ADSL: variants seen among roughly 807,000 people sequenced by gnomAD.
ADSL encodes adenylosuccinase.
ADSL carries 44 observed loss-of-function variants against 62.1 expected under a neutral mutation model. That is an observed-to-expected ratio of 0.71 (90% CI 0.56 to 0.91). The LOEUF (loss-of-function observed/expected upper bound fraction) is 0.91, where lower values mean the gene tolerates loss of function less well. Ranked by LOEUF, ADSL falls within the 40% of genes least tolerant of loss-of-function variation. The pLI is 0.00. For missense variants in ADSL, 531 were observed against 627.4 expected, an observed-to-expected ratio of 0.85 and a Z score of 1.64; for synonymous variants, 198 against 220.5, an observed-to-expected ratio of 0.90 and a Z score of 0.90.
chr22:40,361,788 T>C (rs2044799485), intron 9 of ADSL, 153 bp downstream of exon 9: 1 of 969,452 alleles, frequency 1.0e-6, no homozygotes. Context: ...AAAAGGACAG[T>C]GTGATAAGTG....
chr22:40,356,032 CAAAAAAAAA>C (rs1212379585), intron 4 of ADSL, among the ~76,000 whole-genome samples: 2 of 55,336 alleles, frequency 3.6e-5, no homozygotes, highest in African/African-American at 1.6e-4. Context: ...ACTAAAAATA[CAAAAAAAAA>C]AAAAAAAAAA....
intron 2 of ADSL, among the ~76,000 whole-genome samples, chr22:40,351,008 C>T (rs1214372581): frequency 6.6e-6 from 1 of 151,656 alleles, no homozygotes; most frequent in African/African-American, 2.4e-5. Context: ...AAAAAAAATA[C>T]TTTGAGACAG....
intron 10 of ADSL, 55 bp from the exon 11 acceptor site, chr22:40,364,221 A>C: frequency 6.8e-7 from 1 of 1,464,450 alleles, no homozygotes; most frequent in Non-Finnish European, 9.5e-7. Flanking sequence ...TGCTGTGTTT[A>C]TGACTTTAAC....
At chr22:40,375,798 G>A (rs2046453060) in intron 2 of ADSL, among the ~76,000 whole-genome samples, 1 of 152,016 alleles carries the variant, frequency 6.6e-6, no homozygotes. Flanking sequence ...AGCACTTTGG[G>A]AGGCTGAGGT....
chr22:40,353,750 C>T (rs945383899), intron 3 of ADSL: 10 of 263,622 alleles, frequency 3.8e-5, no homozygotes, highest in Admixed American at 1.0e-4. Flanking sequence ...CTCAGCCTCC[C>T]GAACAGCTGG....
rs563190965 is a variant in ADSL at position 40,350,082 on chromosome 22, A to G, written c.357+47A>G. 242 of 1,549,660 alleles carry G rather than the reference A, an allele frequency of 1.6e-4. 1 individual carries two copies. The South Asian group carries it at 2.4e-3, about 15-fold the overall frequency. On this transcript the variant is annotated intron_variant, in intron 2 of 12. Transcript: ENST00000623063. ...ACTTAAAACTCAGTCTCTAGAATCTATTTGTCAATTTTATTTGATGTTGTC... is the reference window on the plus strand; with the variant it reads ...ACTTAAAACTCAGTCTCTAGAATCTGTTTGTCAATTTTATTTGATGTTGTC...
rs1484677062 is a variant in ADSL, at chr22:40,361,599, A to G, written c.974A>G (p.Gln325Arg). 1 of 1,614,122 alleles carries G rather than the reference A, an allele frequency of 6.2e-7. No homozygotes were observed. Among genetic ancestry groups the G allele is most frequent in the Admixed American group, 1.7e-5 (1 of 60,028 alleles). The change falls in exon 9 of 13, where the codon CAG becomes CGG. Residue 325 changes from glutamine (Q) to arginine (R), a missense_variant. Physicochemically the swap from Gln to Arg is conservative, Grantham distance 43. Around this residue, in one of 2 missense-constraint regions of ADSL, gnomAD observed 471 missense variants for 592.9 expected, o/e 0.79. Coordinates refer to ENST00000623063, the MANE Select transcript of ADSL (RefSeq NM_000026.4). ...GACCCGCTACAGACAGCATCTGTCC[A>G]GTGGTTTGAACGCACACTGGATGAT... ...VMDPLQTASV[Q>R]WFERTLDDSA...
chr22:40,370,373 AAATT>A (rs1244562111), downstream of ADSL, among the ~76,000 whole-genome samples: 1 of 151,924 alleles, frequency 6.6e-6, no homozygotes, highest in African/African-American at 2.4e-5. Context: ...AAAAAAAAAA[AAATT>A]AGCAAGTTAT....
intron 2 of ADSL, chr22:40,350,368 C>T: frequency 3.7e-6 from 1 of 271,192 alleles, no homozygotes; most frequent in Non-Finnish European, 7.1e-6. Context: ...CCTCGTGATC[C>T]ACCCCCCTCA....
At chr22:40,376,291 C>G (rs1458757199) in intron 2 of ADSL, 1 of 136,426 alleles carries the variant, frequency 7.3e-6, no homozygotes, top group African/African-American at 2.7e-5. Flanking sequence ...CCTTGCTTGT[C>G]TGCTTGCTTG....
intron 2 of ADSL, chr22:40,376,216 T>TTTTTTTTTTTG (rs1555913839): frequency 7.3e-6 from 1 of 137,414 alleles, no homozygotes; most frequent in Non-Finnish European, 1.5e-5. Context: ...TTTTTGTCTT[T>TTTTTTTTTTTG]TGGAAACAGT....
chr22:40,366,216 G>A (rs2044998958), intron 12 of ADSL, among the ~76,000 whole-genome samples: 1 of 152,142 alleles, frequency 6.6e-6, no homozygotes, highest in African/African-American at 2.4e-5. Flanking sequence ...ACACAGGCTG[G>A]GCCAGTTTGC....
chr22:40,375,797 G>T (rs2046452545), intron 2 of ADSL, among the ~76,000 whole-genome samples: 1 of 151,926 alleles, frequency 6.6e-6, no homozygotes, highest in Admixed American at 6.6e-5. Flanking sequence ...CAGCACTTTG[G>T]GAGGCTGAGG....
At chr22:40,385,941 TC>T (rs1159139683) in intron 2 of ADSL, among the ~76,000 whole-genome samples, 1 of 151,582 alleles carries the variant, frequency 6.6e-6, no homozygotes, top group African/African-American at 2.4e-5. Context: ...AGCGTCGACC[TC>T]CCGGGCCCAG....
chr22:40,352,405 G>A lies in ADSL; in HGVS notation c.358-668G>A, dbSNP rs540399178. On this transcript the variant is annotated intron_variant, in intron 2 of 12. Transcript: ENST00000623063. ...TAGCTGGGCGTGGTGGCGGGTGCCT[G>A]TAGTCCCAGCTACTCAGGAGGCTGA... 2.0e-5 allele frequency among the ~76,000 whole-genome samples: 3 copies of A among 152,250 alleles called. No individual in the cohort carries two copies. In the East Asian group the frequency reaches 5.8e-4, roughly 29 times the overall value.
intron 2 of ADSL, among the ~76,000 whole-genome samples, chr22:40,375,857 G>C (rs1375406504): frequency 6.6e-6 from 1 of 151,978 alleles, no homozygotes; most frequent in Non-Finnish European, 1.5e-5. Context: ...GGGCAACATG[G>C]TGAGACCCTG....
rs1284336044 is a variant in ADSL at position 40,364,346 on chromosome 22, A to C, written c.1172A>C (p.Lys391Thr). 6.2e-7 allele frequency: 1 copy of C among 1,613,994 alleles called. No homozygotes were observed. The change falls in exon 11 of 13, where the codon AAA (lysine) becomes ACA (threonine). Residue 391 changes from lysine to threonine, a missense_variant. Coordinates refer to ENST00000623063, the MANE Select transcript of ADSL (RefSeq NM_000026.4). Reference sequence around the variant, plus strand: ...GAGAACATCATCATGGCCATGGTCAAAGCTGGAGGTAGCCGCCAGGTTTGT... The same window carrying C: ...GAGAACATCATCATGGCCATGGTCACAGCTGGAGGTAGCCGCCAGGTTTGT... ...ATENIIMAMV[K>T]AGGSRQDCHE...
downstream of ADSL, among the ~76,000 whole-genome samples, chr22:40,371,896 G>A (rs764473948): frequency 2.0e-5 from 3 of 150,924 alleles, no homozygotes; most frequent in East Asian, 4.0e-4. Context: ...GGGGTTTTTC[G>A]CCATGTTGGC....
At chr22:40,353,958 C>T (rs1312271610) in intron 3 of ADSL, 1 of 490,502 alleles carries the variant, frequency 2.0e-6, no homozygotes, top group Non-Finnish European at 3.7e-6. Flanking sequence ...GAGAGTGCAA[C>T]CAAAGGCATG....
Sources: gnomAD v4.1 joint callset for allele counts (sites outside exome capture counted in the v4.1 genomes callset) on GRCh38, gnomAD v4.1.1 for gene constraint, gnomAD v4.1.1 regional missense constraint, MANE v1.5 for transcripts, NCBI Gene and HGNC (gene_info 2026-07-23, HGNC 2026-07-21) for gene names.